CCDC77: variants seen among roughly 807,000 people sequenced by gnomAD.
CCDC77 encodes coiled-coil domain containing 77.
In CCDC77, 56 loss-of-function variants were observed where a neutral mutation model predicts 66.8. The ratio of observed to expected loss-of-function variants is 0.84; its 90% confidence interval spans 0.68 to 1.05. The LOEUF (loss-of-function observed/expected upper bound fraction) is 1.05, where lower values mean the gene tolerates loss of function less well. Ranked by LOEUF, CCDC77 falls within the 50% of genes least tolerant of loss-of-function variation. The pLI is 0.00. For missense variants in CCDC77, 570 were observed against 576.8 expected, an observed-to-expected ratio of 0.99 and a Z score of 0.12; for synonymous variants, 196 against 195.2, an observed-to-expected ratio of 1.00 and a Z score of -0.03.
In CCDC77 at chr12:418,495, A is replaced by G. The variant is rs763174520; in HGVS notation, c.272A>G (p.His91Arg). 6.2e-7 allele frequency: 1 copy of G among 1,613,896 alleles called. No individual in the cohort carries two copies. Residue 91 changes from histidine (H) to arginine (R), a missense_variant and splice_region_variant, in exon 5 of 13, where the codon CAT becomes CGT. Physicochemically the swap from His to Arg is conservative, Grantham distance 29. Coordinates refer to ENST00000239830, the MANE Select transcript of CCDC77 (RefSeq NM_032358.4). Reference protein sequence around the residue: ...ELYKEACEGQHKLECDLQQRE... With the variant: ...ELYKEACEGQRKLECDLQQRE... ...TATCTTATTGTGGTTTTTTTGCAGC[A>G]TAAACTTGAATGTGATTTGCAGCAG...
At chr12:401,639 CTT>C (rs878896927), upstream of CCDC77, 3 of 152,332 alleles carry the variant, frequency 2.0e-5, no homozygotes, top group South Asian at 2.1e-4. Flanking sequence ...CTTGGTTTGA[CTT>C]TTGTTTTTCA....
intron 1 of CCDC77, among the ~76,000 whole-genome samples, chr12:392,730 G>A (rs1009013802): frequency 3.3e-5 from 5 of 149,660 alleles, no homozygotes; most frequent in Non-Finnish European, 7.4e-5. Flanking sequence ...GGGCAACAGA[G>A]TAAGACTCTG....
In CCDC77 at chr12:418,641, C is replaced by G. The variant is rs1945332682; in HGVS notation, c.413+5C>G. 1.2e-6 allele frequency: 2 copies of G among 1,609,750 alleles called. No individual in the cohort carries two copies. Among genetic ancestry groups the G allele is most frequent in the South Asian group, 2.2e-5 (2 of 89,848 alleles). On this transcript the variant is annotated splice_donor_5th_base_variant and intron_variant, in intron 5 of 12. Transcript: ENST00000239830. ...AAATGACCGACTGAGAATCAGGTAC[C>G]AAATAGGAGAAGGGAAATGTTGGAG...
chr12:435,210 C>T (rs1201683413), intron 9 of CCDC77, among the ~76,000 whole-genome samples: 2 of 150,520 alleles, frequency 1.3e-5, no homozygotes, highest in South Asian at 4.3e-4. Context: ...TTCTGTGTTT[C>T]ATCTAGTTTC....
intron 2 of CCDC77, among the ~76,000 whole-genome samples, chr12:406,792 C>T (rs11062783): frequency 1.3e-5 from 2 of 152,254 alleles, no homozygotes; most frequent in East Asian, 3.9e-4. Context: ...ACTAAAAATA[C>T]AAAAATTAGC....
At chr12:423,685 T>A (rs1945479376) in intron 5 of CCDC77, among the ~76,000 whole-genome samples, 1 of 149,442 alleles carries the variant, frequency 6.7e-6, no homozygotes, top group Non-Finnish European at 1.5e-5. Flanking sequence ...TTTGAAGAGA[T>A]GGGGTTTCCC....
At chr12:423,099 T>A (rs1042943453) in intron 5 of CCDC77, among the ~76,000 whole-genome samples, 1 of 137,236 alleles carries the variant, frequency 7.3e-6, no homozygotes, top group African/African-American at 2.5e-5. Flanking sequence ...ATTTTCTTTT[T>A]TTTTTCTTTT....
chr12:428,250 C>T (rs561331234), intron 5 of CCDC77, among the ~76,000 whole-genome samples: 28 of 152,132 alleles, frequency 1.8e-4, no homozygotes, highest in African/African-American at 5.8e-4. Context: ...CAGTGGCTCC[C>T]GCCTGTAATC....
intron 12 of CCDC77, among the ~76,000 whole-genome samples, chr12:441,248 CAAG>C (rs1945852498): frequency 2.0e-5 from 3 of 152,170 alleles, no homozygotes; most frequent in Admixed American, 6.5e-5. Flanking sequence ...CCTCCTAATT[CAAG>C]AAGTAGATTA....
chr12:418,379 G>C, intron 4 of CCDC77, 115 bp from the exon 5 acceptor site: 1 of 1,047,836 alleles, frequency 9.5e-7, no homozygotes, highest in South Asian at 1.5e-5. Context: ...ATTCTGTATT[G>C]GCAAAATTAT....
rs1364572907 is a variant in CCDC77, at chr12:389,573, A to AGGCGGGGCGAGGCGGGG, written c.-113+87_-113+88insGGCGGGGCGAGGCGGGG. 317 of 42,708 alleles carry AGGCGGGGCGAGGCGGGG rather than the reference A, an allele frequency of 7.4e-3. 1 individual carries two copies. The highest frequency in any genetic ancestry group is 0.023 in the African/African-American group (183 of 7,864). 2.6% of individuals were successfully genotyped at this position (42,708 alleles called of 1,614,324 possible). A position where few individuals can be genotyped will look rare whatever the true frequency, so the allele number is the denominator to read the frequency against. ...ACGGGGCGAGGCGGGGCGAGGCGCA[A>AGGCGGGGCGAGGCGGGG]CGAGGCGGGGCGAGGCGCGACGCGA... On this transcript the variant is annotated intron_variant, in intron 1 of 11. Transcript: ENST00000422000.
intron 7 of CCDC77, 152 bp from the exon 8 acceptor site, chr12:431,714 T>C: frequency 1.8e-6 from 1 of 560,402 alleles, no homozygotes; most frequent in Non-Finnish European, 3.2e-6. Flanking sequence ...ATGTTTCCCT[T>C]TGTCTTCCGA....
rs906472855 is a variant in CCDC77, at chr12:430,663, G to C, written c.511-1G>C. 17 of 1,612,958 alleles carry C rather than the reference G, an allele frequency of 1.1e-5. No individual in the cohort carries two copies. In the South Asian group the frequency reaches 1.2e-4, roughly 11 times the overall value. On this transcript the variant is annotated splice_acceptor_variant, in intron 6 of 12. Transcript: ENST00000239830. LOFTEE classifies it high-confidence loss of function. Reference sequence around the variant, plus strand: ...TTCAATACCAGTTTTTGCTTCTTCAGGTCACCATTCTCCAAAAGACTATCC... The same window carrying C: ...TTCAATACCAGTTTTTGCTTCTTCACGTCACCATTCTCCAAAAGACTATCC...
chr12:409,414 T>G lies in CCDC77; in HGVS notation c.31T>G (p.Cys11Gly). Residue 11 changes from cysteine (C) to glycine (G), a missense_variant, in exon 3 of 13, where the codon TGC becomes GGC. By Grantham distance (159) the Cys-to-Gly change is radical (BLOSUM62 -3). Coordinates refer to ENST00000239830, the MANE Select transcript of CCDC77 (RefSeq NM_032358.4). Reference protein sequence around the residue: MNFTPTHTPVCRKRTVVSKRG... With the variant: MNFTPTHTPVGRKRTVVSKRG... ...CTTTACCCCAACACACACCCCTGTC[T>G]GCAGAAAGTAAGACATTTGCTTATT... is the stretch of plus-strand genomic sequence containing the variant. The G allele has an allele frequency of 6.2e-7, 1 of 1,613,344 alleles. No homozygotes were observed. The highest frequency in any genetic ancestry group is 1.1e-5 in the South Asian group (1 of 91,082).
intron 2 of CCDC77, among the ~76,000 whole-genome samples, chr12:406,253 G>A (rs1315071795): frequency 6.6e-6 from 1 of 152,208 alleles, no homozygotes; most frequent in Non-Finnish European, 1.5e-5. Flanking sequence ...AGAGAAGAGG[G>A]ATGAGGTTGG....
At chr12:426,206 A>G (rs1945528335) in intron 5 of CCDC77, among the ~76,000 whole-genome samples, 1 of 152,210 alleles carries the variant, frequency 6.6e-6, no homozygotes, top group Non-Finnish European at 1.5e-5. Context: ...AAGCGTTAAC[A>G]TGGCCCTGGG....
Position 413,485 on chromosome 12 carries a change from C to T in CCDC77, c.270+1507C>T, listed in dbSNP as rs555565279. On this transcript the variant is annotated intron_variant, in intron 4 of 12. Transcript: ENST00000239830. ...CGATCGCCTGACCTCGTGATCCACC[C>T]GCCTCGGCCTCCTAAAGTGCTGGGA... Among the ~76,000 whole-genome samples the T allele has an allele frequency of 5.2e-3, 784 of 152,142 alleles. 3 individuals are homozygous for T. The highest frequency in any genetic ancestry group is 9.3e-3 in the Non-Finnish European group (632 of 68,008).
At position 418,539 on chromosome 12, in the gene CCDC77, G is replaced by A. The variant is rs1303975121; in HGVS notation, c.316G>A (p.Glu106Lys). The change falls in exon 5 of 13, where the codon GAA (glutamate) becomes AAA (lysine). Residue 106 changes from glutamate (E) to lysine (K), a missense_variant. Physicochemically the swap from Glu to Lys is moderately conservative, Grantham distance 56 (BLOSUM62 1). Coordinates refer to ENST00000239830, the MANE Select transcript of CCDC77 (RefSeq NM_032358.4). ...DLQQREEEIA[E>K]LQKALSDMQV... ...GCAGCAGAGGGAGGAAGAGATTGCT[G>A]AATTGCAGAAAGCTCTAAGTGATAT... 2 of 1,614,040 alleles carry A rather than the reference G, an allele frequency of 1.2e-6. No individual in the cohort carries two copies. The highest frequency in any genetic ancestry group is 2.2e-5 in the South Asian group (2 of 91,084).
chr12:411,918 G>A lies in CCDC77; in HGVS notation c.210G>A (p.Glu70=), dbSNP rs1435037286. The A allele has an allele frequency of 2.5e-6, 4 of 1,614,004 alleles. No homozygotes were observed. The South Asian group carries it at 4.4e-5, about 18-fold the overall frequency. The change falls in exon 4 of 13, where the codon GAG becomes GAA. Residue 70 remains glutamate, a synonymous_variant. Transcript: ENST00000239830. ...EYYQKKMAEC[E]AENEDLLKKL... ...ATCAAAAGAAGATGGCTGAGTGTGA[G>A]GCAGAAAATGAGGACTTGCTGAAGA...
Sources: allele counts gnomAD v4.1 joint callset (sites outside exome capture counted in the v4.1 genomes callset), GRCh38; gene constraint gnomAD v4.1.1; transcripts MANE v1.5; gene names NCBI Gene and HGNC (gene_info 2026-07-23, HGNC 2026-07-21).